PPP2R3C: variants seen among roughly 807,000 people sequenced by gnomAD.
The protein encoded by PPP2R3C is serine/threonine-protein phosphatase 2A regulatory subunit B'' subunit gamma.
A neutral mutation model predicts 63.7 loss-of-function variants in PPP2R3C; 47 were observed. The observed-to-expected ratio is 0.74, with a 90% confidence interval of 0.58 to 0.94. PPP2R3C has a LOEUF of 0.94. Ranked by LOEUF, PPP2R3C falls within the 40% of genes least tolerant of loss-of-function variation. The probability of loss-of-function intolerance (pLI) is 0.00; values close to 1 mark genes in which losing one functional copy is unlikely to be tolerated. For synonymous variants in PPP2R3C, 180 were observed against 177.4 expected (o/e 1.01, Z -0.12); for missense variants, 421 against 518.4 (o/e 0.81, Z 1.82).
At position 35,088,193 on chromosome 14, in the gene PPP2R3C, T is replaced by A. The variant is rs545770009; in HGVS notation, c.1114-183A>T. 7.4e-5 allele frequency: 45 copies of A among 604,764 alleles called. 1 individual carries two copies. In the South Asian group the frequency reaches 8.1e-4, roughly 11 times the overall value. The allele number at this position is 604,764 out of a possible 1,614,324, so 37.5% of individuals were successfully genotyped here. A position where few individuals can be genotyped will look rare whatever the true frequency, so the allele number is the denominator to read the frequency against. Reference sequence around the variant, plus strand: ...CCACATCAGTGAGCAAAACCTAAATTCTCGATTAGTGTATTGACCTTTTTA... The same window carrying A: ...CCACATCAGTGAGCAAAACCTAAATACTCGATTAGTGTATTGACCTTTTTA... On this transcript the variant is annotated intron_variant, in intron 11 of 12. Transcript: ENST00000261475.
Position 35,088,089 on chromosome 14 carries a change from C to T in PPP2R3C, c.1114-79G>A, listed in dbSNP as rs1457235165. 9.4e-6 allele frequency: 9 copies of T among 956,286 alleles called. No individual in the cohort carries two copies. The African/African-American group carries it at 9.8e-5, about 10-fold the overall frequency. The allele number at this position is 956,286 out of a possible 1,614,324, so 59.2% of individuals were successfully genotyped here. On this transcript the variant is annotated intron_variant, in intron 11 of 12. Transcript: ENST00000261475. ...TCTTTTGCCCTACAACCCCTTTCTA[C>T]TTATACTTCCTTTCCTATCAGGCCA...
intron 12 of PPP2R3C, chr14:35,086,230 C>T (rs1275799090): frequency 6.5e-6 from 1 of 154,964 alleles, no homozygotes; most frequent in Non-Finnish European, 1.4e-5. Flanking sequence ...TGGAGTCTCA[C>T]TCTGTCATCC....
chr14:35,114,154 A>C (rs753719822), intron 2 of PPP2R3C, among the ~76,000 whole-genome samples: 12 of 152,208 alleles, frequency 7.9e-5, no homozygotes, highest in Non-Finnish European at 1.5e-4. Context: ...AAAAGCAGTA[A>C]AGGTATGTAT....
chr14:35,106,011 T>C (rs1167657832), intron 6 of PPP2R3C, among the ~76,000 whole-genome samples: 1 of 151,642 alleles, frequency 6.6e-6, no homozygotes. Flanking sequence ...CCCGGCTAAT[T>C]TTTTTTTGTA....
At chr14:35,098,008 G>A (rs879493467) in intron 7 of PPP2R3C, among the ~76,000 whole-genome samples, 1 of 152,088 alleles carries the variant, frequency 6.6e-6, no homozygotes, top group Non-Finnish European at 1.5e-5. Context: ...CTTCCTTATG[G>A]GGTTATGAGA....
intron 1 of PPP2R3C, among the ~76,000 whole-genome samples, chr14:35,118,348 G>C (rs1345923921): frequency 1.3e-5 from 2 of 152,200 alleles, no homozygotes; most frequent in Non-Finnish European, 2.9e-5. Flanking sequence ...AGGGACAACT[G>C]CAAGAGTACA....
chr14:35,094,649 G>C (rs1193565931), intron 10 of PPP2R3C, among the ~76,000 whole-genome samples: 1 of 115,128 alleles, frequency 8.7e-6, no homozygotes, highest in Non-Finnish European at 2.0e-5. Flanking sequence ...ACATTTTAAA[G>C]ACACTGTTAC....
At chr14:35,114,376 G>A (rs1183105607) in intron 2 of PPP2R3C, among the ~76,000 whole-genome samples, 1 of 152,042 alleles carries the variant, frequency 6.6e-6, no homozygotes, top group Non-Finnish European at 1.5e-5. Context: ...TTATAGGAAG[G>A]TTTCCAATAA....
rs372950784 is a variant in PPP2R3C, at chr14:35,088,669, T to C, written c.1114-659A>G. Among the ~76,000 whole-genome samples, 79 of 152,272 alleles carry C rather than the reference T, an allele frequency of 5.2e-4. 1 individual carries two copies. The East Asian group carries it at 0.015, about 28-fold the overall frequency. ...TCAGAGTATCCATAAAGGAATCCCTTTGAAGTAGATAAGAATCTGAGTACA... is the reference window on the plus strand; with the variant it reads ...TCAGAGTATCCATAAAGGAATCCCTCTGAAGTAGATAAGAATCTGAGTACA... On this transcript the variant is annotated intron_variant, in intron 11 of 12. Transcript: ENST00000261475.
intron 2 of PPP2R3C, among the ~76,000 whole-genome samples, chr14:35,114,660 CA>C (rs1266578502): frequency 6.7e-6 from 1 of 148,802 alleles, no homozygotes; most frequent in Non-Finnish European, 1.5e-5. Context: ...TTTAAATAGA[CA>C]AAATAGACCT....
intron 5 of PPP2R3C, 53 bp from the exon 6 acceptor site, chr14:35,107,427 T>G: frequency 7.0e-7 from 1 of 1,420,306 alleles, no homozygotes; most frequent in Non-Finnish European, 9.9e-7. Flanking sequence ...CCTTCAGATA[T>G]GAAAAAGGAG....
intron 1 of PPP2R3C, chr14:35,117,055 G>T (rs1247268595): frequency 2.2e-6 from 1 of 455,858 alleles, no homozygotes; most frequent in Non-Finnish European, 4.4e-6. Flanking sequence ...TCAATGAAAA[G>T]AATTTACTGA....
At chr14:35,095,559 G>A (rs1275784143) in intron 9 of PPP2R3C, among the ~76,000 whole-genome samples, 2 of 152,062 alleles carry the variant, frequency 1.3e-5, no homozygotes, top group Non-Finnish European at 2.9e-5. Context: ...CCAAAAGGAG[G>A]TCGGGCGTGG....
At chr14:35,106,691 G>C (rs1054222030) in intron 6 of PPP2R3C, among the ~76,000 whole-genome samples, 1 of 129,274 alleles carries the variant, frequency 7.7e-6, no homozygotes, top group African/African-American at 2.9e-5. Flanking sequence ...TTTTGAGACG[G>C]AGTTTCACTC....
rs745935366 is a variant in PPP2R3C, at chr14:35,121,922, G to A, written c.38C>T (p.Thr13Met). 2.2e-5 allele frequency: 36 copies of A among 1,614,128 alleles called. No homozygotes were observed. Among genetic ancestry groups the A allele is most frequent in the Non-Finnish European group, 3.1e-5 (36 of 1,180,028 alleles). ...WKEVLRRRLA[T>M]PNTCPNKKKS... ...CTCACTGTTTGGACAGGTGTTGGGC[G>A]TCGCTAGGCGCCGACGAAGAACTTC... The change falls in exon 1 of 13, where the codon ACG becomes ATG. Residue 13 changes from threonine to methionine, a missense_variant. Physicochemically the swap from Thr to Met is moderately conservative, Grantham distance 81 (BLOSUM62 -1). This residue lies in a region of PPP2R3C where 143 missense variants were observed against 151.2 expected (regional missense o/e 0.95). Transcript: ENST00000261475.
chr14:35,098,346 GTTTTTT>G (rs376634061), intron 7 of PPP2R3C, among the ~76,000 whole-genome samples: 182 of 94,022 alleles, frequency 1.9e-3, no homozygotes, highest in African/African-American at 6.2e-3. Flanking sequence ...CGCCTGGCTA[GTTTTTT>G]TTTTTTTTTT....
rs570846578 is a variant in PPP2R3C, at chr14:35,087,775, A to C, written c.1173+176T>G. On this transcript the variant is annotated intron_variant, in intron 12 of 12. Coordinates refer to ENST00000261475, the MANE Select transcript of PPP2R3C (RefSeq NM_017917.4). Reference sequence around the variant, plus strand: ...GATGACAATACTAAAATTATAAACTACATAAATAGTCCAAATGTGGTCTCA... The same window carrying C: ...GATGACAATACTAAAATTATAAACTCCATAAATAGTCCAAATGTGGTCTCA... The C allele has an allele frequency of 1.9e-4, 111 of 593,840 alleles. No homozygotes were observed. The Middle Eastern group carries it at 2.3e-3, about 12-fold the overall frequency. The allele number at this position is 593,840 out of a possible 1,614,324, so 36.8% of individuals were successfully genotyped here.
At chr14:35,092,607 C>T (rs1224446148) in intron 10 of PPP2R3C, among the ~76,000 whole-genome samples, 1 of 151,870 alleles carries the variant, frequency 6.6e-6, no homozygotes, top group Non-Finnish European at 1.5e-5. Flanking sequence ...TCTGGGATTA[C>T]AGGCATGCAC....
chr14:35,118,826 G>T (rs1325114724), intron 1 of PPP2R3C, among the ~76,000 whole-genome samples: 1 of 151,892 alleles, frequency 6.6e-6, no homozygotes, highest in Non-Finnish European at 1.5e-5. Context: ...GCTAAATTTT[G>T]TATTTTTAGT....
Sources: allele counts gnomAD v4.1 joint callset (sites outside exome capture counted in the v4.1 genomes callset), GRCh38; gene constraint gnomAD v4.1.1; regional missense constraint gnomAD v4.1.1; transcripts MANE v1.5; gene names NCBI Gene and HGNC (gene_info 2026-07-23, HGNC 2026-07-21).